GRM8: variants seen among roughly 807,000 people sequenced by gnomAD.
GRM8 encodes glutamate metabotropic receptor 8.
Under a neutral mutation model 87.2 loss-of-function variants are expected in GRM8, and 47 were observed. That is an observed-to-expected ratio of 0.54 (90% confidence interval 0.43 to 0.69). The LOEUF (loss-of-function observed/expected upper bound fraction) is 0.69, where lower values mean the gene tolerates loss of function less well. Among genes scored for constraint, GRM8 ranks in the 30% least tolerant of loss-of-function variants. The pLI is 0.00. For missense variants in GRM8, 1,019 were observed against 1,139.2 expected (o/e 0.89, Z 1.52); for synonymous variants, 396 against 404.5 (o/e 0.98, Z 0.25).
At chr7:127,198,142 ATATAATG>A (rs1472435643) in intron 2 of GRM8, among the ~76,000 whole-genome samples, 1 of 152,224 alleles carries the variant, frequency 6.6e-6, no homozygotes, top group Non-Finnish European at 1.5e-5. Flanking sequence ...TGATACATGT[ATATAATG>A]TATAATGATC....
intron 3 of GRM8, among the ~76,000 whole-genome samples, chr7:126,906,889 T>G (rs1802728988): frequency 6.6e-6 from 1 of 152,134 alleles, no homozygotes; most frequent in Non-Finnish European, 1.5e-5. Context: ...CTACCACTAG[T>G]TGTGATAATT....
chr7:126,687,604 T>C (rs962381146), intron 7 of GRM8, among the ~76,000 whole-genome samples: 5 of 151,170 alleles, frequency 3.3e-5, no homozygotes, highest in Non-Finnish European at 7.4e-5. Flanking sequence ...CCACTAAGTA[T>C]GTAACCAAGA....
intron 6 of GRM8, among the ~76,000 whole-genome samples, chr7:126,886,563 A>T (rs1800518791): frequency 6.6e-6 from 1 of 152,130 alleles, no homozygotes; most frequent in African/African-American, 2.4e-5. Context: ...AACAAAATCC[A>T]TAGAAAACAG....
intron 8 of GRM8, among the ~76,000 whole-genome samples, chr7:126,540,479 A>C (rs1313771127): frequency 6.6e-6 from 1 of 152,132 alleles, no homozygotes; most frequent in Non-Finnish European, 1.5e-5. Flanking sequence ...TCCCACAAAA[A>C]TTTGTGTATA....
chr7:127,096,972 C>A (rs1824717314), intron 3 of GRM8, among the ~76,000 whole-genome samples: 1 of 152,162 alleles, frequency 6.6e-6, no homozygotes, highest in African/African-American at 2.4e-5. Flanking sequence ...GCTGAGCAAA[C>A]CTTACCCCCA....
chr7:126,988,869 G>A (rs888585308), intron 3 of GRM8, among the ~76,000 whole-genome samples: 2 of 152,204 alleles, frequency 1.3e-5, no homozygotes, highest in Admixed American at 1.3e-4. Flanking sequence ...GGTAGGACCA[G>A]TAGGTCCATA....
chr7:127,210,864 G>A (rs902201424), intron 2 of GRM8, among the ~76,000 whole-genome samples: 1 of 152,124 alleles, frequency 6.6e-6, no homozygotes, highest in Non-Finnish European at 1.5e-5. Flanking sequence ...TAGGTACCAA[G>A]GTACTATAGG....
chr7:127,233,766 T>G (rs945360105), intron 2 of GRM8, among the ~76,000 whole-genome samples: 5 of 152,156 alleles, frequency 3.3e-5, no homozygotes, highest in African/African-American at 1.2e-4. Flanking sequence ...TGGCCAACAT[T>G]GAGAACACAT....
At chr7:127,152,457 A>G (rs1156231703) in intron 2 of GRM8, among the ~76,000 whole-genome samples, 1 of 152,140 alleles carries the variant, frequency 6.6e-6, no homozygotes. Context: ...AAATCCAAAT[A>G]TAAGCATGAT....
intron 3 of GRM8, among the ~76,000 whole-genome samples, chr7:127,009,371 C>A (rs1341237059): frequency 1.3e-5 from 2 of 152,056 alleles, no homozygotes; most frequent in African/African-American, 4.8e-5. Context: ...TGAGTTTGTT[C>A]CATAAGACGC....
intron 7 of GRM8, among the ~76,000 whole-genome samples, chr7:126,612,205 G>C (rs765545275): frequency 5.3e-5 from 8 of 151,998 alleles, no homozygotes; most frequent in Non-Finnish European, 8.8e-5. Flanking sequence ...TTGTTGTTTT[G>C]TGGAAATGTT....
chr7:127,112,071 T>A (rs1197243900), intron 2 of GRM8: 3 of 150,502 alleles, frequency 2.0e-5, no homozygotes, highest in Admixed American at 1.3e-4. Flanking sequence ...TTGTTTAGAG[T>A]CCTTCAATCA....
intron 9 of GRM8, among the ~76,000 whole-genome samples, chr7:126,447,717 AAACCTT>A (rs1238587732): frequency 6.6e-6 from 1 of 151,974 alleles, no homozygotes; most frequent in Non-Finnish European, 1.5e-5. Context: ...ACAGATGGCA[AAACCTT>A]GCGGTAAAGA....
At chr7:127,102,146 G>C (rs1413894041) in intron 3 of GRM8, among the ~76,000 whole-genome samples, 1 of 152,226 alleles carries the variant, frequency 6.6e-6, no homozygotes, top group South Asian at 2.1e-4. Flanking sequence ...CATTCAAAAT[G>C]TGGCCTGGCT....
At chr7:127,007,357 T>C (rs1197314293) in intron 3 of GRM8, among the ~76,000 whole-genome samples, 1 of 151,940 alleles carries the variant, frequency 6.6e-6, no homozygotes, top group East Asian at 1.9e-4. Flanking sequence ...GGGGTAAAAA[T>C]ATAAGGGTTT....
intron 7 of GRM8, among the ~76,000 whole-genome samples, chr7:126,646,141 T>A (rs949019012): frequency 1.3e-5 from 2 of 152,140 alleles, no homozygotes; most frequent in Non-Finnish European, 2.9e-5. Flanking sequence ...TAACCTCTTC[T>A]TCCCTGCCAA....
At chr7:126,501,062 A>C (rs1294615771) in intron 9 of GRM8, among the ~76,000 whole-genome samples, 1 of 151,950 alleles carries the variant, frequency 6.6e-6, no homozygotes, top group Non-Finnish European at 1.5e-5. Flanking sequence ...AAATGTACTT[A>C]TTTGAATTAT....
intron 6 of GRM8, among the ~76,000 whole-genome samples, chr7:126,890,991 C>G (rs1800947004): frequency 6.6e-6 from 1 of 152,032 alleles, no homozygotes; most frequent in African/African-American, 2.4e-5. Context: ...ACTCACATAA[C>G]CAAGTAACCC....
chr7:126,781,417 G>C (rs1820063618), intron 6 of GRM8, among the ~76,000 whole-genome samples: 1 of 152,110 alleles, frequency 6.6e-6, no homozygotes, highest in African/African-American at 2.4e-5. Context: ...CATCAGAATT[G>C]TTTTCAAGAA....
Sources: gnomAD v4.1 joint callset for allele counts (sites outside exome capture counted in the v4.1 genomes callset) on GRCh38, gnomAD v4.1.1 for gene constraint, MANE v1.5 for transcripts, NCBI Gene and HGNC (gene_info 2026-07-23, HGNC 2026-07-21) for gene names.